The following COL9A3 variants were observed in gnomAD, a reference collection of about 807,000 sequenced individuals.
COL9A3 encodes collagen type IX alpha 3 chain, also known as collagen alpha-3(IX) chain.
Under a neutral mutation model 110.2 loss-of-function variants are expected in COL9A3, and 82 were observed. The ratio of observed to expected loss-of-function variants is 0.74; its 90% confidence interval spans 0.62 to 0.89. COL9A3 has a LOEUF of 0.89. Among genes scored for constraint, COL9A3 ranks in the 40% least tolerant of loss-of-function variants. The probability of loss-of-function intolerance (pLI) is 0.00; values close to 1 mark genes in which losing one functional copy is unlikely to be tolerated. For missense variants in COL9A3, 1,066 were observed against 981.3 expected, an observed-to-expected ratio of 1.09 and a Z score of -1.15; for synonymous variants, 494 against 403.8, an observed-to-expected ratio of 1.22 and a Z score of -2.68.
intron 16 of COL9A3, among the ~76,000 whole-genome samples, chr20:62,827,530 G>A (rs774086556): frequency 2.0e-5 from 3 of 152,132 alleles, no homozygotes; most frequent in Non-Finnish European, 4.4e-5. Context: ...AGCGGCCCAC[G>A]AGCCGGGTGG....
At chr20:62,818,806 G>C (rs572385789) in intron 3 of COL9A3, among the ~76,000 whole-genome samples, 3 of 152,120 alleles carry the variant, frequency 2.0e-5, no homozygotes, top group South Asian at 4.1e-4. Context: ...GGCCGGGACC[G>C]GGGCTGGTAC....
chr20:62,832,767 C>CGCGGGTTCTGCTTG, intron 25 of COL9A3: 2 of 370,700 alleles, frequency 5.4e-6, no homozygotes, highest in East Asian at 1.5e-4. Flanking sequence ...GAACCCCCAC[C>CGCGGGTTCTGCTTG]GCAGGTTCTG....
chr20:62,820,995 G>C (rs1386358517), intron 5 of COL9A3, among the ~76,000 whole-genome samples, 186 bp from the exon 6 acceptor site: 1 of 152,212 alleles, frequency 6.6e-6, no homozygotes, highest in Non-Finnish European at 1.5e-5. Flanking sequence ...TCTGTCTCCA[G>C]CAGCTCCCCA....
At position 62,840,980 on chromosome 20, in the gene COL9A3, A is replaced by AT. The variant is rs1342471582; in HGVS notation, c.*249dup. The AT allele has an allele frequency of 1.1e-5, 6 of 530,474 alleles. No individual in the cohort carries two copies. The highest frequency in any genetic ancestry group is 2.1e-5 in the Non-Finnish European group (6 of 292,140). 32.9% of individuals were successfully genotyped at this position (530,474 alleles called of 1,614,324 possible). A position where few individuals can be genotyped will look rare whatever the true frequency, so the allele number is the denominator to read the frequency against. On this transcript the variant is annotated 3_prime_UTR_variant, in exon 32 of 32. Transcript: ENST00000649368. Reference sequence around the variant, plus strand: ...ATTTGAGAGAAGGTAGGGTGTGTATATATAAAAGGTTGTGTACAACTCCAC... The same window carrying AT: ...ATTTGAGAGAAGGTAGGGTGTGTATATTATAAAAGGTTGTGTACAACTCCAC...
Position 62,837,197 on chromosome 20 carries a change from A to G in COL9A3, c.1718A>G (p.His573Arg), listed in dbSNP as rs1342652070. The G allele has an allele frequency of 6.2e-7, 1 of 1,612,384 alleles. No individual in the cohort carries two copies. Residue 573 changes from histidine (H) to arginine (R), a missense_variant, in exon 30 of 32, where the codon CAC becomes CGC. By Grantham distance (29) the His-to-Arg change is conservative (BLOSUM62 0). Coordinates refer to ENST00000649368, the MANE Select transcript of COL9A3 (RefSeq NM_001853.4). The part of the protein sequence containing the change: ...GPPGPPGSIG[H>R]PGARGPPGYR... ...CCAGGACCCCCAGGCTCCATTGGTC[A>G]CCCTGGCGCTCGAGGACCCCCTGGA... is the stretch of plus-strand genomic sequence containing the variant.
rs376017540 is a variant in COL9A3 at position 62,838,648 on chromosome 20, C to T, written c.1787-36C>T. 165 of 1,534,664 alleles carry T rather than the reference C, an allele frequency of 1.1e-4. No homozygotes were observed. In the African/African-American group the frequency reaches 2.1e-3, roughly 19 times the overall value. ...CGCTGTGGTGTGGCTGCAACAGATACTCTAACCATATGTCTGTGTCCACAC... is the reference window on the plus strand; with the variant it reads ...CGCTGTGGTGTGGCTGCAACAGATATTCTAACCATATGTCTGTGTCCACAC... On this transcript the variant is annotated intron_variant, in intron 30 of 31. Coordinates refer to ENST00000649368, the MANE Select transcript of COL9A3 (RefSeq NM_001853.4).
At chr20:62,836,880 C>T (rs1304973102) in intron 29 of COL9A3, 17 of 759,220 alleles carry the variant, frequency 2.2e-5, no homozygotes, top group Non-Finnish European at 3.6e-5. Context: ...CACCTTCCCA[C>T]TCAGGCTTCT....
chr20:62,840,963 G>A lies in COL9A3; in HGVS notation c.*231G>A, dbSNP rs998603556. On this transcript the variant is annotated 3_prime_UTR_variant, in exon 32 of 32. Coordinates refer to ENST00000649368, the MANE Select transcript of COL9A3 (RefSeq NM_001853.4). ...AAACCTGTAAGCCCAGCATTTGAGA[G>A]AAGGTAGGGTGTGTATATATAAAAG... 5.3e-6 allele frequency: 3 copies of A among 563,940 alleles called. No individual in the cohort carries two copies. Among genetic ancestry groups the A allele is most frequent in the South Asian group, 4.0e-5 (2 of 50,172 alleles). The allele number at this position is 563,940 out of a possible 1,614,324, so 34.9% of individuals were successfully genotyped here. A position where few individuals can be genotyped will look rare whatever the true frequency, so the allele number is the denominator to read the frequency against.
intron 24 of COL9A3, among the ~76,000 whole-genome samples, chr20:62,830,860 A>C (rs2063592260): frequency 7.4e-6 from 1 of 134,386 alleles, no homozygotes; most frequent in Non-Finnish European, 1.6e-5. Flanking sequence ...AAATCTGGCC[A>C]TGGGCAGTGT....
At chr20:62,822,706 G>C in intron 10 of COL9A3, 74 bp downstream of exon 10, 1 of 1,517,218 alleles carries the variant, frequency 6.6e-7, no homozygotes, top group Non-Finnish European at 9.1e-7. Flanking sequence ...GGCCTGGAGA[G>C]GGGCTTGTCC....
Position 62,839,837 on chromosome 20 carries a change from C to T in COL9A3, c.1865-705C>T, listed in dbSNP as rs536889891. ...ATGCACGCACGCTGCTCTCTGGGTG[C>T]CCTGGAGCCCTCTCCCCTTCTCCCC... On this transcript the variant is annotated intron_variant, in intron 31 of 31. Transcript: ENST00000649368. Among the ~76,000 whole-genome samples, 20 of 152,118 alleles carry T rather than the reference C, an allele frequency of 1.3e-4. No individual in the cohort carries two copies. The South Asian group carries it at 4.2e-3, about 32-fold the overall frequency.
intron 26 of COL9A3, among the ~76,000 whole-genome samples, chr20:62,833,622 C>T (rs980941889): frequency 6.6e-6 from 1 of 151,966 alleles, no homozygotes; most frequent in Admixed American, 6.6e-5. Flanking sequence ...CCAGGATGGT[C>T]TCCATCTCCT....
chr20:62,838,604 A>G (rs929394572), intron 30 of COL9A3, 80 bp from the exon 31 acceptor site: 4 of 1,284,610 alleles, frequency 3.1e-6, no homozygotes, highest in Non-Finnish European at 1.1e-6. Flanking sequence ...CCTGTTTGTT[A>G]CAAAGGTTGA....
chr20:62,817,927 C>G, intron 2 of COL9A3: 3 of 519,222 alleles, frequency 5.8e-6, no homozygotes, highest in South Asian at 5.5e-5. Context: ...GTTCTGGCCT[C>G]TGGCTGAAGT....
chr20:62,824,512 GGT>G lies in COL9A3; in HGVS notation c.576+13_576+14del. On this transcript the variant is annotated intron_variant, in intron 11 of 31. Transcript: ENST00000649368. ...ATGCCAGGGTTCAAGGTGAGTCACGGGTGACTGGGACCCAAGCACCACCCTGT... is the reference window on the plus strand; with the variant it reads ...ATGCCAGGGTTCAAGGTGAGTCACGGGACTGGGACCCAAGCACCACCCTGT... The G allele has an allele frequency of 6.3e-7, 1 of 1,582,896 alleles. No individual in the cohort carries two copies. Among genetic ancestry groups the G allele is most frequent in the Non-Finnish European group, 8.6e-7 (1 of 1,165,252 alleles).
In COL9A3 at chr20:62,840,836, C is replaced by G; in HGVS notation, c.*104C>G. The G allele has an allele frequency of 7.4e-7, 1 of 1,358,064 alleles. No individual in the cohort carries two copies. Among genetic ancestry groups the G allele is most frequent in the Non-Finnish European group, 1.0e-6 (1 of 975,254 alleles). The allele number at this position is 1,358,064 out of a possible 1,614,324, so 84.1% of individuals were successfully genotyped here. ...GGGTGACGTCCAGGAGAGGGAGCGC[C>G]CCTGGCTGCCCCTCGGCCGCCGACT... is the stretch of plus-strand genomic sequence containing the variant. On this transcript the variant is annotated 3_prime_UTR_variant, in exon 32 of 32. Coordinates refer to ENST00000649368, the MANE Select transcript of COL9A3 (RefSeq NM_001853.4).
Position 62,837,226 on chromosome 20 carries a change from C to T in COL9A3, c.1747C>T (p.Arg583Cys), listed in dbSNP as rs778892188. The change falls in exon 30 of 32, where the codon CGC becomes TGC. Residue 583 changes from arginine to cysteine, a missense_variant. Arg to Cys is a radical substitution (Grantham distance 180). Transcript: ENST00000649368. ...TGGCGCTCGAGGACCCCCTGGATACCGCGGTCCCACTGGGGAGCTGGGAGA... is the reference window on the plus strand; with the variant it reads ...TGGCGCTCGAGGACCCCCTGGATACTGCGGTCCCACTGGGGAGCTGGGAGA... ...HPGARGPPGY[R>C]GPTGELGDPG... 13 of 1,611,748 alleles carry T rather than the reference C, an allele frequency of 8.1e-6. No individual in the cohort carries two copies. Among genetic ancestry groups the T allele is most frequent in the East Asian group, 4.5e-5 (2 of 44,872 alleles).
chr20:62,835,438 C>G (rs550111970), intron 26 of COL9A3, among the ~76,000 whole-genome samples: 2 of 152,204 alleles, frequency 1.3e-5, no homozygotes, highest in Admixed American at 1.3e-4. Context: ...TCCGGAGAGC[C>G]GAGCTCTCAA....
intron 13 of COL9A3, 74 bp downstream of exon 13, chr20:62,825,944 A>C: frequency 6.8e-7 from 1 of 1,471,026 alleles, no homozygotes; most frequent in Non-Finnish European, 9.3e-7. Flanking sequence ...GCACATATCT[A>C]CCCCCGAGGG....
Sources: gnomAD v4.1 joint callset for allele counts (sites outside exome capture counted in the v4.1 genomes callset) on GRCh38, gnomAD v4.1.1 for gene constraint, MANE v1.5 for transcripts, NCBI Gene and HGNC (gene_info 2026-07-23, HGNC 2026-07-21) for gene names.